The following NEK10 variants were observed in gnomAD, a reference collection of about 807,000 sequenced individuals.
NEK10 encodes the protein NIMA related kinase 10.
NEK10 carries 122 observed loss-of-function variants against 159.8 expected under a neutral mutation model. The observed-to-expected ratio is 0.76, with a 90% CI of 0.66 to 0.89. The LOEUF (loss-of-function observed/expected upper bound fraction) is 0.89. NEK10 is among the 40% of genes least tolerant of loss of function. NEK10 has a pLI of 0.00. For missense variants in NEK10, 1,342 were observed against 1,323.1 expected (o/e 1.01, Z -0.22); for synonymous variants, 466 against 457.1 (o/e 1.02, Z -0.25).
At chr3:27,201,039 T>C (rs181558170) in intron 25 of NEK10, among the ~76,000 whole-genome samples, 2 of 152,300 alleles carry the variant, frequency 1.3e-5, no homozygotes, top group East Asian at 3.9e-4. Context: ...TAGTGATAGC[T>C]GGAGCTCCTG....
chr3:27,206,853 C>T (rs1461089259), intron 23 of NEK10, among the ~76,000 whole-genome samples: 1 of 152,114 alleles, frequency 6.6e-6, no homozygotes, highest in Non-Finnish European at 1.5e-5. Flanking sequence ...AGGACAAAGG[C>T]CTGAGCATCT....
At chr3:27,247,379 T>G (rs565370989) in intron 23 of NEK10, among the ~76,000 whole-genome samples, 9 of 152,146 alleles carry the variant, frequency 5.9e-5, no homozygotes, top group Non-Finnish European at 1.0e-4. Flanking sequence ...TCAATTGAAA[T>G]GATCATATAG....
At chr3:27,316,201 C>A (rs1164885160) in intron 6 of NEK10, among the ~76,000 whole-genome samples, 2 of 152,074 alleles carry the variant, frequency 1.3e-5, no homozygotes, top group Non-Finnish European at 2.9e-5. Flanking sequence ...TGGGGACTTC[C>A]TTCTAGTCAT....
intron 25 of NEK10, among the ~76,000 whole-genome samples, chr3:27,197,077 C>T (rs1301116290): frequency 1.3e-5 from 2 of 152,154 alleles, no homozygotes; most frequent in Non-Finnish European, 2.9e-5. Context: ...ATCATCACAT[C>T]AGCCTAATGA....
chr3:27,154,107 C>T (rs879098438), intron 30 of NEK10, among the ~76,000 whole-genome samples: 1 of 151,874 alleles, frequency 6.6e-6, no homozygotes, highest in African/African-American at 2.4e-5. Flanking sequence ...CACTAAGAAA[C>T]AAAACAGGAG....
intron 22 of NEK10, among the ~76,000 whole-genome samples, chr3:27,280,716 G>T (rs11919927): frequency 4.6e-5 from 7 of 151,918 alleles, no homozygotes; most frequent in Non-Finnish European, 8.8e-5. Context: ...ACTGGAACTC[G>T]CAGTGCTTCT....
At chr3:27,244,719 G>T (rs530501674) in intron 23 of NEK10, among the ~76,000 whole-genome samples, 11 of 152,124 alleles carry the variant, frequency 7.2e-5, no homozygotes, top group Admixed American at 2.0e-4. Flanking sequence ...CCCTCTGAAG[G>T]CCTCCTGCTT....
chr3:27,237,321 A>T lies in NEK10; in HGVS notation c.2090+18975T>A, dbSNP rs1008974650. ...GGTGACGTACATTCTCAGCTTACGA[A>T]GATAACAGGATTAAGAGATTAAAGA... On this transcript the variant is annotated intron_variant, in intron 23 of 35. Coordinates refer to ENST00000691995, the MANE Select transcript of NEK10 (RefSeq NM_001394966.1). 3.9e-5 allele frequency among the ~76,000 whole-genome samples: 6 copies of T among 152,292 alleles called. No individual in the cohort carries two copies. In the South Asian group the frequency reaches 8.3e-4, roughly 21 times the overall value.
In NEK10 at chr3:27,135,981, T is replaced by C. The variant is rs181295207; in HGVS notation, c.2971-3991A>G. Among the ~76,000 whole-genome samples the C allele has an allele frequency of 2.6e-3, 396 of 152,290 alleles. 2 individuals are homozygous for C. The highest frequency in any genetic ancestry group is 3.8e-3 in the Non-Finnish European group (258 of 68,026). ...ATGACAGTCAGTAGTATAATTTTCA[T>C]TGGAGGACAACACATTGCTATTCTG... is the stretch of plus-strand genomic sequence containing the variant. On this transcript the variant is annotated intron_variant, in intron 31 of 35. Coordinates refer to ENST00000691995, the MANE Select transcript of NEK10 (RefSeq NM_001394966.1).
At chr3:27,221,325 C>A (rs1304189788) in intron 23 of NEK10, among the ~76,000 whole-genome samples, 8 of 152,114 alleles carry the variant, frequency 5.3e-5, no homozygotes, top group African/African-American at 1.9e-4. Context: ...ACACAAGTAA[C>A]CCAGTTTAAA....
Position 27,322,157 on chromosome 3 carries a change from A to T in NEK10, c.447+20T>A. On this transcript the variant is annotated intron_variant, in intron 6 of 35. Coordinates refer to ENST00000691995, the MANE Select transcript of NEK10 (RefSeq NM_001394966.1). Reference sequence around the variant, plus strand: ...AACTTTATAACAAGTAAAAAAAAAAATTGTATTTTTCCAACCAACCTGATA... The same window carrying T: ...AACTTTATAACAAGTAAAAAAAAAATTTGTATTTTTCCAACCAACCTGATA... 1 of 1,355,640 alleles carries T rather than the reference A, an allele frequency of 7.4e-7. No homozygotes were observed. Among genetic ancestry groups the T allele is most frequent in the South Asian group, 1.3e-5 (1 of 75,074 alleles). The allele number at this position is 1,355,640 out of a possible 1,614,324, so 84.0% of individuals were successfully genotyped here. A position where few individuals can be genotyped will look rare whatever the true frequency, so the allele number is the denominator to read the frequency against.
At chr3:27,251,508 C>T (rs913659623) in intron 23 of NEK10, among the ~76,000 whole-genome samples, 5 of 152,154 alleles carry the variant, frequency 3.3e-5, no homozygotes, top group African/African-American at 7.2e-5. Flanking sequence ...CCTGCTCCTG[C>T]TCTGGCCATG....
At chr3:27,287,214 C>A (rs2042684131) in intron 20 of NEK10, among the ~76,000 whole-genome samples, 1 of 151,350 alleles carries the variant, frequency 6.6e-6, no homozygotes, top group Non-Finnish European at 1.5e-5. Context: ...ATCATACCTG[C>A]AGAAAGCAAG....
chr3:27,362,438 T>C (rs1460985997), intron 1 of NEK10, among the ~76,000 whole-genome samples: 3 of 152,098 alleles, frequency 2.0e-5, no homozygotes, highest in Non-Finnish European at 4.4e-5. Context: ...CCATTAATCT[T>C]TGGCCAACTC....
intron 20 of NEK10, among the ~76,000 whole-genome samples, chr3:27,287,349 G>A (rs950921625): frequency 5.3e-4 from 80 of 152,274 alleles, no homozygotes; most frequent in African/African-American, 1.9e-3. Flanking sequence ...AATGACACCT[G>A]AGTCAACAAA....
chr3:27,119,962 T>C, intron 32 of NEK10, 94 bp from the exon 33 acceptor site: 1 of 844,366 alleles, frequency 1.2e-6, no homozygotes, highest in Non-Finnish European at 2.0e-6. Context: ...CCTATGTCTC[T>C]GCACAGAAAA....
At chr3:27,132,550 A>G (rs1452649936) in intron 31 of NEK10, among the ~76,000 whole-genome samples, 1 of 152,184 alleles carries the variant, frequency 6.6e-6, no homozygotes, top group Middle Eastern at 3.2e-3. Flanking sequence ...ATATATTAAG[A>G]CCAGACTAGG....
At chr3:27,119,118 TAGAC>T (rs766495303) in intron 33 of NEK10, among the ~76,000 whole-genome samples, 1 of 152,354 alleles carries the variant, frequency 6.6e-6, no homozygotes, top group African/African-American at 2.4e-5. Context: ...CCCCTACTAA[TAGAC>T]AGGCAGTTTT....
intron 33 of NEK10, among the ~76,000 whole-genome samples, chr3:27,118,619 G>C (rs1024227251): frequency 6.6e-6 from 1 of 152,184 alleles, no homozygotes; most frequent in Non-Finnish European, 1.5e-5. Context: ...GCTGCCCTGG[G>C]GGGAGTTTGT....
Sources: gnomAD v4.1 joint callset for allele counts (sites outside exome capture counted in the v4.1 genomes callset) on GRCh38, gnomAD v4.1.1 for gene constraint, MANE v1.5 for transcripts, NCBI Gene and HGNC (gene_info 2026-07-23, HGNC 2026-07-21) for gene names.